The following FSTL5 variants were observed in gnomAD, a reference collection of about 807,000 sequenced individuals.
FSTL5 encodes the protein follistatin-related protein 5.
A neutral mutation model predicts 89.1 loss-of-function variants in FSTL5; 62 were observed. That is an observed-to-expected ratio of 0.70 (90% CI 0.57 to 0.86). The LOEUF is 0.86. Among genes scored for constraint, FSTL5 ranks in the 40% least tolerant of loss-of-function variants. The probability of loss-of-function intolerance (pLI) is 0.00; values close to 1 mark genes in which losing one functional copy is unlikely to be tolerated. For missense variants in FSTL5, 1,057 were observed against 1,001.6 expected, an observed-to-expected ratio of 1.06 and a Z score of -0.75; for synonymous variants, 383 against 346.2, an observed-to-expected ratio of 1.11 and a Z score of -1.18.
intron 3 of FSTL5, among the ~76,000 whole-genome samples, chr4:162,019,297 T>G (rs1246026472): frequency 6.6e-6 from 1 of 152,080 alleles, no homozygotes; most frequent in Non-Finnish European, 1.5e-5. Flanking sequence ...AGATACCAAC[T>G]CATTTTTCAA....
At chr4:161,610,911 A>G (rs2126635025) in intron 7 of FSTL5, among the ~76,000 whole-genome samples, 1 of 152,002 alleles carries the variant, frequency 6.6e-6, no homozygotes, top group East Asian at 1.9e-4. Flanking sequence ...GCCCAAAGCT[A>G]TTATATCTAA....
chr4:161,674,061 A>G (rs1737215941), intron 6 of FSTL5, among the ~76,000 whole-genome samples: 1 of 152,080 alleles, frequency 6.6e-6, no homozygotes, highest in South Asian at 2.1e-4. Flanking sequence ...AGGAAACAGA[A>G]GGGTTACTGC....
chr4:161,481,575 A>G (rs929989341), intron 12 of FSTL5, among the ~76,000 whole-genome samples: 1 of 152,170 alleles, frequency 6.6e-6, no homozygotes, highest in African/African-American at 2.4e-5. Flanking sequence ...CCTCATGGCA[A>G]ATTCATAGTT....
In FSTL5 at chr4:162,107,446, C is replaced by T. The variant is rs1436982231; in HGVS notation, c.126+3825G>A. Among the ~76,000 whole-genome samples, 8 of 152,090 alleles carry T rather than the reference C, an allele frequency of 5.3e-5. No homozygotes were observed. The East Asian group carries it at 1.2e-3, about 22-fold the overall frequency. On this transcript the variant is annotated intron_variant, in intron 2 of 15. Coordinates refer to ENST00000306100, the MANE Select transcript of FSTL5 (RefSeq NM_020116.5). ...GTTCTGAGTACACTAATTCTAAAGA[C>T]GGCTCAAAATTTGCCAGTGTCCAAG...
intron 4 of FSTL5, among the ~76,000 whole-genome samples, chr4:161,869,392 T>C (rs991810): frequency 0.86 from 130,214 of 152,070 alleles, 56,920 homozygotes; most frequent in East Asian, 0.98. Flanking sequence ...AGTTGTGCGA[T>C]CACAAATAAG....
rs1474291352 is a variant in FSTL5 at position 162,107,871 on chromosome 4, C to T, written c.126+3400G>A. 3.3e-5 allele frequency among the ~76,000 whole-genome samples: 5 copies of T among 152,176 alleles called. No homozygotes were observed. In the South Asian group the frequency reaches 1.0e-3, roughly 32 times the overall value. The stretch of plus-strand genomic sequence containing the variant: ...CTCTCTCTTGTCCTTGGTAAAGTTA[C>T]TTTACCTCTCTGGGTTTTAATAATG... On this transcript the variant is annotated intron_variant, in intron 2 of 15. Transcript: ENST00000306100.
At chr4:161,711,676 A>C (rs1462226403) in intron 6 of FSTL5, among the ~76,000 whole-genome samples, 1 of 152,082 alleles carries the variant, frequency 6.6e-6, no homozygotes, top group Non-Finnish European at 1.5e-5. Flanking sequence ...TAACAGAAGA[A>C]AAAGAAAATT....
rs1739183411 is a variant in FSTL5, at chr4:161,721,008, G to T, written c.727+38403C>A. Among the ~76,000 whole-genome samples the T allele has an allele frequency of 3.9e-5, 6 of 152,114 alleles. No individual in the cohort carries two copies. In the South Asian group the frequency reaches 1.2e-3, roughly 31 times the overall value. ...CTTAAAATTTTTCTGGCCGGGCGCG[G>T]TGGCTCACGCCTGTAATCCCAGCAC... On this transcript the variant is annotated intron_variant, in intron 6 of 15. Coordinates refer to ENST00000306100, the MANE Select transcript of FSTL5 (RefSeq NM_020116.5).
chr4:162,092,354 T>C (rs1475792167), intron 2 of FSTL5, among the ~76,000 whole-genome samples: 1 of 152,130 alleles, frequency 6.6e-6, no homozygotes, highest in Admixed American at 6.6e-5. Context: ...AAGAAACAAG[T>C]TTGAAAGAAA....
intron 5 of FSTL5, among the ~76,000 whole-genome samples, chr4:161,771,919 T>C (rs1389843201): frequency 1.3e-5 from 2 of 152,208 alleles, no homozygotes; most frequent in Non-Finnish European, 2.9e-5. Flanking sequence ...TGTGCAATTA[T>C]GGACAATTCT....
At chr4:162,072,524 T>C (rs935851167) in intron 2 of FSTL5, among the ~76,000 whole-genome samples, 1 of 151,874 alleles carries the variant, frequency 6.6e-6, no homozygotes, top group African/African-American at 2.4e-5. Context: ...TTAATTTCTT[T>C]CTAAGTATGA....
At chr4:161,573,209 G>A (rs549776983) in intron 8 of FSTL5, among the ~76,000 whole-genome samples, 2 of 151,726 alleles carry the variant, frequency 1.3e-5, no homozygotes, top group Non-Finnish European at 2.9e-5. Flanking sequence ...AAAGAGTTTC[G>A]GACCAGCCTG....
chr4:162,156,484 A>G (rs994385435), intron 1 of FSTL5, among the ~76,000 whole-genome samples: 42 of 152,200 alleles, frequency 2.8e-4, no homozygotes, highest in African/African-American at 1.0e-3. Flanking sequence ...AAAGACATGG[A>G]TTCAACCTAG....
chr4:161,652,190 G>GC (rs1481605408), intron 7 of FSTL5, among the ~76,000 whole-genome samples: 10 of 152,046 alleles, frequency 6.6e-5, no homozygotes, highest in Non-Finnish European at 1.3e-4. Flanking sequence ...TAAACCCAGA[G>GC]CTTTGAGAGG....
At chr4:161,718,922 TAAAC>T (rs1004955540) in intron 6 of FSTL5, among the ~76,000 whole-genome samples, 36 of 152,186 alleles carry the variant, frequency 2.4e-4, no homozygotes, top group Non-Finnish European at 5.0e-4. Context: ...ATTTACTTGA[TAAAC>T]AAATTAAAAT....
At chr4:161,514,355 T>C (rs1560932575) in intron 10 of FSTL5, among the ~76,000 whole-genome samples, 1 of 151,984 alleles carries the variant, frequency 6.6e-6, no homozygotes, top group Non-Finnish European at 1.5e-5. Flanking sequence ...GTATCCTAAA[T>C]GAAATAACCC....
intron 7 of FSTL5, among the ~76,000 whole-genome samples, chr4:161,632,870 A>C (rs998256996): frequency 1.3e-5 from 2 of 152,220 alleles, no homozygotes; most frequent in African/African-American, 4.8e-5. Context: ...GAAATAGAGT[A>C]AAAGTTCTTA....
At chr4:161,985,330 TGTTA>T (rs1735933780) in intron 3 of FSTL5, among the ~76,000 whole-genome samples, 1 of 152,184 alleles carries the variant, frequency 6.6e-6, no homozygotes, top group African/African-American at 2.4e-5. Context: ...TATTAAAATA[TGTTA>T]GTTATATCAT....
intron 4 of FSTL5, among the ~76,000 whole-genome samples, chr4:161,845,271 T>C (rs1731333697): frequency 6.6e-6 from 1 of 152,166 alleles, no homozygotes; most frequent in Non-Finnish European, 1.5e-5. Context: ...GTTTTTTTTG[T>C]TTGAGTTTTG....
Sources: gnomAD v4.1 joint callset for allele counts (sites outside exome capture counted in the v4.1 genomes callset) on GRCh38, gnomAD v4.1.1 for gene constraint, MANE v1.5 for transcripts, NCBI Gene and HGNC (gene_info 2026-07-23, HGNC 2026-07-21) for gene names.